Variants in KCTD14 observed in about 807,000 individuals in gnomAD.
The protein encoded by KCTD14 is potassium channel tetramerization domain containing 14.
In KCTD14, 7 loss-of-function variants were observed where a neutral mutation model predicts 5.9. The observed-to-expected ratio is 1.19, with a 90% CI of 0.68 to 2.23. KCTD14 has a LOEUF of 2.23. KCTD14 is among the 30% of genes most tolerant of loss of function. The probability of loss-of-function intolerance (pLI) is 0.00; values close to 1 mark genes in which losing one functional copy is unlikely to be tolerated. For missense variants in KCTD14, 342 were observed against 332.2 expected (o/e 1.03, Z -0.23); for synonymous variants, 140 against 133.1 (o/e 1.05, Z -0.36).
chr11:78,025,241 T>C (rs965360095), upstream of KCTD14, among the ~76,000 whole-genome samples: 1 of 149,846 alleles, frequency 6.7e-6, no homozygotes, highest in Non-Finnish European at 1.5e-5. Flanking sequence ...GGAGAGCCAG[T>C]CCGAGTTCCA....
intron 2 of KCTD14, among the ~76,000 whole-genome samples, chr11:78,032,169 T>C (rs1857639875): frequency 6.6e-6 from 1 of 152,236 alleles, no homozygotes; most frequent in Non-Finnish European, 1.5e-5. Context: ...GGAGGAAGTA[T>C]GGCTGGGCTT....
intron 2 of KCTD14, among the ~76,000 whole-genome samples, chr11:78,033,748 T>C (rs1857698632): frequency 6.7e-6 from 1 of 150,068 alleles, no homozygotes; most frequent in African/African-American, 2.5e-5. Flanking sequence ...CTTGGGAGGC[T>C]GAGGCACGAG....
intron 2 of KCTD14, among the ~76,000 whole-genome samples, chr11:78,030,655 G>C (rs977217415): frequency 1.3e-5 from 2 of 152,152 alleles, no homozygotes; most frequent in African/African-American, 4.8e-5. Flanking sequence ...GAGACAATGC[G>C]GCCAGCCCCT....
At chr11:78,041,430 G>A (rs928505645) in intron 1 of KCTD14, among the ~76,000 whole-genome samples, 1 of 152,138 alleles carries the variant, frequency 6.6e-6, no homozygotes, top group African/African-American at 2.4e-5. Context: ...AGCTCACATG[G>A]GACCAATCAG....
upstream of KCTD14, among the ~76,000 whole-genome samples, chr11:78,024,489 T>TA (rs1332084149): frequency 6.7e-6 from 1 of 150,252 alleles, no homozygotes; most frequent in Non-Finnish European, 1.5e-5. Flanking sequence ...TGGTTACAGT[T>TA]AAAAAATCTC....
chr11:78,021,867 A>G (rs778495804), intron 1 of KCTD14, among the ~76,000 whole-genome samples: 1 of 152,090 alleles, frequency 6.6e-6, no homozygotes. Flanking sequence ...ACCCCTCGCA[A>G]TCAACTACCA....
intron 2 of KCTD14, chr11:78,038,540 TCC>T: frequency 4.4e-6 from 5 of 1,144,936 alleles, no homozygotes; most frequent in Non-Finnish European, 6.2e-6. Flanking sequence ...CCCATCTGGC[TCC>T]CCGCTCACTG....
At chr11:78,025,144 A>G (rs1359382190), upstream of KCTD14, among the ~76,000 whole-genome samples, 239 of 125,260 alleles carry the variant, frequency 1.9e-3, 4 homozygotes, top group African/African-American at 8.0e-3. Context: ...ATATATATAT[A>G]TATATATATA....
At chr11:78,019,672 T>G (rs1377639563) in intron 1 of KCTD14, among the ~76,000 whole-genome samples, 3 of 152,192 alleles carry the variant, frequency 2.0e-5, no homozygotes, top group Non-Finnish European at 4.4e-5. Context: ...GAGACTTAAA[T>G]AATAACGGGA....
At chr11:78,036,745 C>T (rs1241013342) in intron 2 of KCTD14, among the ~76,000 whole-genome samples, 1 of 152,204 alleles carries the variant, frequency 6.6e-6, no homozygotes, top group African/African-American at 2.4e-5. Flanking sequence ...CCTTTGTTTA[C>T]TGAATGTCTG....
At chr11:78,017,762 A>G (rs1010194453) in intron 1 of KCTD14, among the ~76,000 whole-genome samples, 2 of 152,100 alleles carry the variant, frequency 1.3e-5, no homozygotes, top group Non-Finnish European at 2.9e-5. Context: ...TGTTTGAAAA[A>G]AGAATACCCA....
chr11:78,025,689 A>C (rs991986990), upstream of KCTD14, among the ~76,000 whole-genome samples: 3 of 152,180 alleles, frequency 2.0e-5, no homozygotes, highest in Admixed American at 2.0e-4. Context: ...AGTGTAGACT[A>C]TTTAGCCAGC....
chr11:78,032,180 C>G lies in KCTD14; in HGVS notation c.-1+6484G>C, dbSNP rs538996067. 6.8e-4 allele frequency among the ~76,000 whole-genome samples: 103 copies of G among 152,238 alleles called. 1 individual carries two copies. The highest frequency in any genetic ancestry group is 1.3e-3 in the Admixed American group (20 of 15,288). On this transcript the variant is annotated intron_variant, in intron 2 of 2. Coordinates refer to the KCTD14 transcript ENST00000533144. ...ACTGGGAGGAAGTATGGCTGGGCTT[C>G]CTTCAAACCACTCCACTTGATTGGG...
At chr11:78,022,339 G>T (rs1465410321) in intron 1 of KCTD14, among the ~76,000 whole-genome samples, 1 of 152,072 alleles carries the variant, frequency 6.6e-6, no homozygotes, top group Admixed American at 6.6e-5. Flanking sequence ...CTAGTATTCT[G>T]TTCAAGGCCA....
At chr11:78,024,700 C>T (rs1857403945), upstream of KCTD14, among the ~76,000 whole-genome samples, 1 of 151,898 alleles carries the variant, frequency 6.6e-6, no homozygotes, top group Admixed American at 6.6e-5. Context: ...AATCTCAGCA[C>T]TTTGGGAGGC....
At chr11:78,018,716 A>C (rs2136703524) in intron 1 of KCTD14, among the ~76,000 whole-genome samples, 1 of 152,220 alleles carries the variant, frequency 6.6e-6, no homozygotes, top group South Asian at 2.1e-4. Context: ...CAAAAAAAAA[A>C]ATAAGAAGAA....
upstream of KCTD14, among the ~76,000 whole-genome samples, chr11:78,026,727 C>T (rs1857475820): frequency 2.0e-5 from 3 of 152,126 alleles, no homozygotes; most frequent in South Asian, 6.2e-4. Context: ...TATGATCACA[C>T]CACTGCACCC....
chr11:78,037,889 T>C (rs530269213), intron 2 of KCTD14, among the ~76,000 whole-genome samples: 102 of 152,052 alleles, frequency 6.7e-4, no homozygotes, highest in African/African-American at 2.3e-3. Flanking sequence ...ATAAAGTTCT[T>C]TTTCTTGAGC....
At chr11:78,022,380 C>A (rs926757790) in intron 1 of KCTD14, among the ~76,000 whole-genome samples, 7 of 152,214 alleles carry the variant, frequency 4.6e-5, no homozygotes, top group Middle Eastern at 3.4e-3. Flanking sequence ...ATGCACAGTG[C>A]CTTACACTTC....
Sources: allele counts gnomAD v4.1 joint callset (sites outside exome capture counted in the v4.1 genomes callset), GRCh38; gene constraint gnomAD v4.1.1; transcripts MANE v1.5; gene names NCBI Gene and HGNC (gene_info 2026-07-23, HGNC 2026-07-21).